ADAMTS17: variants seen among roughly 807,000 people sequenced by gnomAD.
ADAMTS17 encodes the protein ADAM metallopeptidase with thrombospondin type 1 motif 17.
ADAMTS17 carries 113 observed loss-of-function variants against 141.5 expected under a neutral mutation model. The observed-to-expected ratio is 0.80, with a 90% CI of 0.69 to 0.93. The LOEUF (loss-of-function observed/expected upper bound fraction) is 0.93, where lower values mean the gene tolerates loss of function less well. Ranked by LOEUF, ADAMTS17 falls within the 40% of genes least tolerant of loss-of-function variation. The pLI is 0.00. For synonymous variants in ADAMTS17, 768 were observed against 630.6 expected (o/e 1.22, Z -3.27); for missense variants, 1,659 against 1,517.9 (o/e 1.09, Z -1.54).
chr15:100,235,513 G>C (rs953602372), intron 7 of ADAMTS17, among the ~76,000 whole-genome samples: 2 of 151,974 alleles, frequency 1.3e-5, no homozygotes, highest in East Asian at 1.9e-4. Context: ...AAAATTAAGC[G>C]TGTGTCAGAA....
At chr15:100,324,122 T>C (rs139657672) in intron 3 of ADAMTS17, among the ~76,000 whole-genome samples, 98 of 151,356 alleles carry the variant, frequency 6.5e-4, no homozygotes, top group African/African-American at 2.1e-3. Context: ...CTGGCCAACA[T>C]GGCGAAACCC....
intron 2 of ADAMTS17, among the ~76,000 whole-genome samples, chr15:100,335,761 T>C (rs2046190023): frequency 6.6e-6 from 1 of 152,224 alleles, no homozygotes; most frequent in African/African-American, 2.4e-5. Context: ...CCAACAGCCT[T>C]GCAGGGCTAT....
intron 21 of ADAMTS17, among the ~76,000 whole-genome samples, chr15:99,975,792 G>A (rs546432877): frequency 6.0e-4 from 91 of 152,210 alleles, no homozygotes; most frequent in Non-Finnish European, 1.2e-3. Context: ...ACATTCTCCT[G>A]TGTTGGGCAA....
intron 3 of ADAMTS17, among the ~76,000 whole-genome samples, chr15:100,310,897 G>C (rs991891182): frequency 2.0e-5 from 3 of 152,194 alleles, no homozygotes; most frequent in African/African-American, 4.8e-5. Flanking sequence ...GTCTGGTCGT[G>C]CACATGAAAT....
At chr15:100,028,649 C>T (rs371328552) in intron 18 of ADAMTS17, among the ~76,000 whole-genome samples, 1 of 152,248 alleles carries the variant, frequency 6.6e-6, no homozygotes, top group Non-Finnish European at 1.5e-5. Context: ...TCTCAGTCCC[C>T]TGTCGTACAG....
chr15:100,289,872 T>C (rs560068562), intron 3 of ADAMTS17, among the ~76,000 whole-genome samples: 3 of 152,226 alleles, frequency 2.0e-5, no homozygotes, highest in Admixed American at 6.5e-5. Context: ...TACCTCAAAA[T>C]AGTAAGAGCC....
At chr15:100,138,862 C>T (rs1395087785) in intron 10 of ADAMTS17, among the ~76,000 whole-genome samples, 1 of 152,200 alleles carries the variant, frequency 6.6e-6, no homozygotes, top group African/African-American at 2.4e-5. Context: ...TCCTCTTAAA[C>T]ACGGGCTCAA....
At chr15:100,172,760 C>T (rs568339151) in intron 8 of ADAMTS17, among the ~76,000 whole-genome samples, 12 of 152,338 alleles carry the variant, frequency 7.9e-5, no homozygotes, top group South Asian at 2.1e-4. Flanking sequence ...AATAAGATCC[C>T]GCACCCCTCC....
intron 14 of ADAMTS17, among the ~76,000 whole-genome samples, chr15:100,103,137 C>T (rs2036219394): frequency 6.6e-6 from 1 of 152,166 alleles, no homozygotes; most frequent in Admixed American, 6.5e-5. Context: ...GCTTGGTCTG[C>T]TGGCTTCAAC....
intron 15 of ADAMTS17, among the ~76,000 whole-genome samples, chr15:100,073,828 T>C (rs1466829786): frequency 6.6e-6 from 1 of 151,224 alleles, no homozygotes; most frequent in Non-Finnish European, 1.5e-5. Context: ...AACGAGTTGA[T>C]GGGTGCAGCA....
intron 7 of ADAMTS17, among the ~76,000 whole-genome samples, chr15:100,212,225 T>C (rs2041831579): frequency 6.6e-6 from 1 of 152,158 alleles, no homozygotes; most frequent in African/African-American, 2.4e-5. Flanking sequence ...GAGAATTCAC[T>C]GAACCCAGCC....
intron 18 of ADAMTS17, among the ~76,000 whole-genome samples, chr15:100,004,863 C>T (rs1188183465): frequency 2.6e-5 from 4 of 152,078 alleles, no homozygotes; most frequent in South Asian, 4.1e-4. Flanking sequence ...TCCAGTGATC[C>T]GCCCGCCTTG....
At chr15:100,269,456 T>A (rs1439382592) in intron 4 of ADAMTS17, among the ~76,000 whole-genome samples, 1 of 152,198 alleles carries the variant, frequency 6.6e-6, no homozygotes, top group Admixed American at 6.5e-5. Flanking sequence ...ATCTTTAATT[T>A]TTACTTTTTT....
intron 8 of ADAMTS17, among the ~76,000 whole-genome samples, chr15:100,156,416 T>G (rs1408992072): frequency 1.3e-5 from 2 of 152,176 alleles, no homozygotes; most frequent in African/African-American, 4.8e-5. Context: ...TGGAGTTGGA[T>G]CAGCTAAAGT....
chr15:100,016,568 A>C (rs956738097), intron 18 of ADAMTS17, among the ~76,000 whole-genome samples: 7 of 152,186 alleles, frequency 4.6e-5, no homozygotes, highest in Non-Finnish European at 1.0e-4. Flanking sequence ...CCCTTGATGG[A>C]GTACTCTGCC....
chr15:100,314,208 C>T (rs1250033575), intron 3 of ADAMTS17, among the ~76,000 whole-genome samples: 1 of 152,164 alleles, frequency 6.6e-6, no homozygotes, highest in Non-Finnish European at 1.5e-5. Context: ...GGAGAAGACT[C>T]GGAAGACATG....
intron 10 of ADAMTS17, among the ~76,000 whole-genome samples, chr15:100,139,961 T>C (rs2038539779): frequency 6.6e-6 from 1 of 152,172 alleles, no homozygotes; most frequent in Non-Finnish European, 1.5e-5. Context: ...GTTTTCATTA[T>C]GGTTCTACGG....
At chr15:100,314,691 A>G (rs1222553823) in intron 3 of ADAMTS17, among the ~76,000 whole-genome samples, 1 of 152,234 alleles carries the variant, frequency 6.6e-6, no homozygotes, top group Non-Finnish European at 1.5e-5. Flanking sequence ...GTGACTGGAA[A>G]AAAAACTGGT....
At chr15:100,158,944 G>A (rs1294771046) in intron 8 of ADAMTS17, among the ~76,000 whole-genome samples, 4 of 152,122 alleles carry the variant, frequency 2.6e-5, no homozygotes, top group South Asian at 2.1e-4. Flanking sequence ...CTCTCATGAT[G>A]TTTACTATGA....
Sources: allele counts gnomAD v4.1 joint callset (sites outside exome capture counted in the v4.1 genomes callset), GRCh38; gene constraint gnomAD v4.1.1; transcripts MANE v1.5; gene names NCBI Gene and HGNC (gene_info 2026-07-23, HGNC 2026-07-21).